Variants in GMPS observed in about 807,000 individuals in gnomAD.
GMPS encodes GMP synthase [glutamine-hydrolyzing].
A neutral mutation model predicts 77.9 loss-of-function variants in GMPS; 15 were observed. That is an observed-to-expected ratio of 0.19 (90% CI 0.13 to 0.30). The LOEUF is 0.30. GMPS is among the 10% of genes least tolerant of loss of function. GMPS has a pLI of 1.00. For synonymous variants in GMPS, 224 were observed against 275.9 expected, an observed-to-expected ratio of 0.81 and a Z score of 1.86; for missense variants, 590 against 838.8, an observed-to-expected ratio of 0.70 and a Z score of 3.66.
At chr3:155,895,766 T>C (rs758729883) in intron 2 of GMPS, among the ~76,000 whole-genome samples, 60 of 152,312 alleles carry the variant, frequency 3.9e-4, no homozygotes, top group Non-Finnish European at 6.8e-4. Flanking sequence ...TTTGTTGAAA[T>C]AAGACTTTCT....
At chr3:155,879,336 C>G (rs1577498586) in intron 1 of GMPS, among the ~76,000 whole-genome samples, 2 of 146,848 alleles carry the variant, frequency 1.4e-5, no homozygotes. Context: ...GGTGCTATCT[C>G]AGCTCACTGC....
chr3:155,880,814 C>T (rs1030461879), intron 1 of GMPS, among the ~76,000 whole-genome samples: 5 of 151,886 alleles, frequency 3.3e-5, no homozygotes, highest in African/African-American at 1.2e-4. Context: ...GGGTTAACCA[C>T]GTCTGGCTCT....
intron 1 of GMPS, among the ~76,000 whole-genome samples, chr3:155,874,925 T>G (rs1754006552): frequency 7.0e-6 from 1 of 143,346 alleles, no homozygotes; most frequent in Admixed American, 7.0e-5. Flanking sequence ...TTTTTTTTTT[T>G]GAGACAGAGT....
At chr3:155,920,180 T>G (rs1755282566) in intron 10 of GMPS, among the ~76,000 whole-genome samples, 1 of 152,194 alleles carries the variant, frequency 6.6e-6, no homozygotes, top group Admixed American at 6.5e-5. Flanking sequence ...TTATGCAGAT[T>G]GAAAGGAGTG....
intron 1 of GMPS, among the ~76,000 whole-genome samples, chr3:155,893,167 A>G (rs926573513): frequency 6.6e-6 from 1 of 152,230 alleles, no homozygotes; most frequent in African/African-American, 2.4e-5. Flanking sequence ...TGCACTGTTA[A>G]TAATAATGCC....
At chr3:155,877,649 G>C (rs1754083911) in intron 1 of GMPS, among the ~76,000 whole-genome samples, 1 of 152,130 alleles carries the variant, frequency 6.6e-6, no homozygotes, top group Non-Finnish European at 1.5e-5. Flanking sequence ...CAAAATACCA[G>C]AAACTGAGTG....
intron 13 of GMPS, 47 bp from the exon 14 acceptor site, chr3:155,934,869 A>T: frequency 8.1e-7 from 1 of 1,240,162 alleles, no homozygotes; most frequent in Non-Finnish European, 1.2e-6. Flanking sequence ...TGTAATTTCT[A>T]CATTTGAAAT....
At chr3:155,918,950 C>A (rs1484717091) in intron 9 of GMPS, among the ~76,000 whole-genome samples, 1 of 152,044 alleles carries the variant, frequency 6.6e-6, no homozygotes, top group African/African-American at 2.4e-5. Flanking sequence ...GCTTTGTATT[C>A]TAATGAGAAT....
At position 155,870,785 on chromosome 3, in the gene GMPS, T is replaced by C; in HGVS notation, c.-86T>C. The C allele has an allele frequency of 1.1e-6, 1 of 924,470 alleles. No individual in the cohort carries two copies. Among genetic ancestry groups the C allele is most frequent in the East Asian group, 3.1e-5 (1 of 32,202 alleles). 57.3% of individuals were successfully genotyped at this position (924,470 alleles called of 1,614,324 possible). On this transcript the variant is annotated 5_prime_UTR_variant, in exon 1 of 16. Transcript: ENST00000496455. ...CCTCGACCAGGCCTCCTTCTCAACCTCAGCCCGCGGCGCCGACCCTTCCGG... is the reference window on the plus strand; with the variant it reads ...CCTCGACCAGGCCTCCTTCTCAACCCCAGCCCGCGGCGCCGACCCTTCCGG...
At chr3:155,905,637 CTT>C (rs574772547) in intron 4 of GMPS, among the ~76,000 whole-genome samples, 20 of 152,080 alleles carry the variant, frequency 1.3e-4, no homozygotes, top group Non-Finnish European at 2.5e-4. Flanking sequence ...TTACCTAACT[CTT>C]TTGATTTTGT....
intron 13 of GMPS, among the ~76,000 whole-genome samples, chr3:155,934,225 A>G (rs904442475): frequency 6.6e-6 from 1 of 152,170 alleles, no homozygotes; most frequent in African/African-American, 2.4e-5. Flanking sequence ...TTAATTGTGT[A>G]TTTGTTTCCT....
upstream of GMPS, chr3:155,870,448 C>A (rs1385085271): frequency 5.4e-6 from 1 of 186,556 alleles, no homozygotes; most frequent in East Asian, 9.5e-5. Context: ...GGCTCCTCCT[C>A]CCAAGGGCGG....
intron 7 of GMPS, 52 bp downstream of exon 7, chr3:155,911,331 A>T: frequency 1.7e-6 from 2 of 1,156,592 alleles, no homozygotes; most frequent in Non-Finnish European, 2.5e-6. Flanking sequence ...TTGTTTAATC[A>T]AATCTAGTCT....
intron 13 of GMPS, among the ~76,000 whole-genome samples, chr3:155,932,980 C>G (rs1483584558): frequency 6.6e-6 from 1 of 152,106 alleles, no homozygotes; most frequent in Non-Finnish European, 1.5e-5. Flanking sequence ...TCACTTGAGC[C>G]CAGGAGTTTG....
chr3:155,896,223 A>G (rs1434347033), intron 2 of GMPS, among the ~76,000 whole-genome samples: 5 of 151,782 alleles, frequency 3.3e-5, no homozygotes, highest in Non-Finnish European at 7.4e-5. Context: ...GTTAGCCAGG[A>G]TGGTCTCGAT....
chr3:155,888,658 T>C (rs1368748765), intron 1 of GMPS, among the ~76,000 whole-genome samples: 1 of 151,572 alleles, frequency 6.6e-6, no homozygotes, highest in African/African-American at 2.4e-5. Context: ...TGATCTCAGC[T>C]CGCTGCAACC....
intron 11 of GMPS, among the ~76,000 whole-genome samples, chr3:155,924,795 G>C (rs1440831222): frequency 1.3e-5 from 2 of 151,938 alleles, no homozygotes; most frequent in African/African-American, 2.4e-5. Context: ...TAGAATAGTA[G>C]ACATGAAAGG....
intron 11 of GMPS, among the ~76,000 whole-genome samples, chr3:155,923,593 A>G (rs1173772937): frequency 6.6e-6 from 1 of 152,224 alleles, no homozygotes; most frequent in African/African-American, 2.4e-5. Context: ...CAAGACTTCA[A>G]AATACCAAGA....
chr3:155,937,412 C>T (rs41267913), intron 15 of GMPS, among the ~76,000 whole-genome samples, 179 bp from the exon 16 acceptor site: 1 of 152,168 alleles, frequency 6.6e-6, no homozygotes, highest in Non-Finnish European at 1.5e-5. Flanking sequence ...TAATAACTTA[C>T]ACCTATCCCT....
Sources: allele counts gnomAD v4.1 joint callset (sites outside exome capture counted in the v4.1 genomes callset), GRCh38; gene constraint gnomAD v4.1.1; transcripts MANE v1.5; gene names NCBI Gene and HGNC (gene_info 2026-07-23, HGNC 2026-07-21).